GALNTL5: variants seen among roughly 807,000 people sequenced by gnomAD.
GALNTL5 encodes polypeptide N-acetylgalactosaminyltransferase like 5.
GALNTL5 carries 44 observed loss-of-function variants against 51.0 expected under a neutral mutation model. The observed-to-expected ratio is 0.86, with a 90% CI of 0.68 to 1.11. GALNTL5 has a LOEUF of 1.11. Ranked by LOEUF, GALNTL5 falls within the 50% of genes least tolerant of loss-of-function variation. The probability of loss-of-function intolerance (pLI) is 0.00; values close to 1 mark genes in which losing one functional copy is unlikely to be tolerated. For missense variants in GALNTL5, 528 were observed against 531.8 expected (o/e 0.99, Z 0.07); for synonymous variants, 192 against 182.8 (o/e 1.05, Z -0.41).
rs546393194 is a variant in GALNTL5 at position 151,993,691 on chromosome 7, C to T, written c.658+6410C>T. On this transcript the variant is annotated intron_variant, in intron 5 of 8. Coordinates refer to ENST00000392800, the MANE Select transcript of GALNTL5 (RefSeq NM_145292.4). The stretch of plus-strand genomic sequence containing the variant: ...GCTGGAGTGCAGTGGAGTATCGAAG[C>T]TCACTGCAGCCTCGAACTCCTGGGG... Among the ~76,000 whole-genome samples the T allele has an allele frequency of 1.2e-4, 19 of 152,202 alleles. No individual in the cohort carries two copies. The South Asian group carries it at 3.9e-3, about 32-fold the overall frequency.
chr7:152,019,185 G>A (rs925593190), intron 8 of GALNTL5, among the ~76,000 whole-genome samples: 1 of 152,222 alleles, frequency 6.6e-6, no homozygotes, highest in African/African-American at 2.4e-5. Context: ...CTTGCCTAGG[G>A]TCACACAGAC....
At chr7:151,979,478 G>A (rs1392208430) in intron 3 of GALNTL5, among the ~76,000 whole-genome samples, 1 of 149,992 alleles carries the variant, frequency 6.7e-6, no homozygotes, top group African/African-American at 2.5e-5. Context: ...GGGGGGAGGG[G>A]GGCAGAGTTT....
chr7:151,998,763 C>A (rs1347871225), intron 5 of GALNTL5, among the ~76,000 whole-genome samples: 2 of 122,354 alleles, frequency 1.6e-5, no homozygotes, highest in Non-Finnish European at 3.2e-5. Context: ...CAGAGCGAGA[C>A]TCTATCTAAA....
At chr7:151,983,507 C>T (rs1250309829) in intron 4 of GALNTL5, among the ~76,000 whole-genome samples, 1 of 152,094 alleles carries the variant, frequency 6.6e-6, no homozygotes, top group Non-Finnish European at 1.5e-5. Flanking sequence ...TAGTGCGCTC[C>T]CCGATGGCAC....
chr7:152,014,260 G>A (rs2081776559), intron 7 of GALNTL5, among the ~76,000 whole-genome samples: 1 of 152,148 alleles, frequency 6.6e-6, no homozygotes, highest in South Asian at 2.1e-4. Context: ...CATTATTATG[G>A]GTTTTTGTGG....
intron 5 of GALNTL5, among the ~76,000 whole-genome samples, chr7:151,993,707 A>T (rs2081456995): frequency 6.6e-6 from 1 of 151,906 alleles, no homozygotes; most frequent in South Asian, 2.1e-4. Context: ...GCAGCCTCGA[A>T]CTCCTGGGGT....
At chr7:151,989,396 G>A (rs541948117) in intron 5 of GALNTL5, among the ~76,000 whole-genome samples, 9 of 152,112 alleles carry the variant, frequency 5.9e-5, no homozygotes, top group African/African-American at 2.2e-4. Flanking sequence ...CAAATGATCC[G>A]CCCACCTCGG....
intron 5 of GALNTL5, among the ~76,000 whole-genome samples, chr7:152,000,674 G>A (rs2081564359): frequency 6.6e-6 from 1 of 152,096 alleles, no homozygotes; most frequent in African/African-American, 2.4e-5. Flanking sequence ...ATGACTAATG[G>A]TGTTGAACAT....
At chr7:151,982,489 C>G (rs2081305576) in intron 3 of GALNTL5, among the ~76,000 whole-genome samples, 1 of 152,076 alleles carries the variant, frequency 6.6e-6, no homozygotes, top group Admixed American at 6.6e-5. Flanking sequence ...TAGACCATAT[C>G]TGCTATACTT....
At chr7:152,015,601 G>A (rs1419788382) in intron 8 of GALNTL5, among the ~76,000 whole-genome samples, 2 of 151,694 alleles carry the variant, frequency 1.3e-5, no homozygotes, top group Non-Finnish European at 2.9e-5. Flanking sequence ...CTCATGATCC[G>A]CCCACCTCGG....
At chr7:151,997,021 C>G (rs6948803) in intron 5 of GALNTL5, among the ~76,000 whole-genome samples, 36,511 of 152,064 alleles carry the variant, frequency 0.24, 4,517 homozygotes, top group Middle Eastern at 0.33. Flanking sequence ...AACAAGTTAA[C>G]AAACGTTGCA....
intron 3 of GALNTL5, among the ~76,000 whole-genome samples, chr7:151,973,962 G>T (rs1196522027): frequency 6.6e-6 from 1 of 152,094 alleles, no homozygotes; most frequent in Non-Finnish European, 1.5e-5. Context: ...TTTTAAAGTG[G>T]AAGTTTCCCC....
intron 3 of GALNTL5, among the ~76,000 whole-genome samples, chr7:151,971,696 G>A (rs886408633): frequency 3.3e-5 from 5 of 152,176 alleles, no homozygotes; most frequent in African/African-American, 1.2e-4. Flanking sequence ...GTAATCCCAG[G>A]TGTCAAGGGA....
chr7:151,988,272 G>A (rs985103947), intron 5 of GALNTL5, among the ~76,000 whole-genome samples: 7 of 152,238 alleles, frequency 4.6e-5, no homozygotes, highest in African/African-American at 1.7e-4. Context: ...CAACGCTGCT[G>A]GGCGGCTGAG....
At chr7:151,962,234 C>T (rs2081000127) in intron 1 of GALNTL5, among the ~76,000 whole-genome samples, 1 of 151,880 alleles carries the variant, frequency 6.6e-6, no homozygotes, top group Admixed American at 6.6e-5. Flanking sequence ...AACTCCTGAC[C>T]TCGTGATCCA....
At chr7:151,962,870 A>G (rs1242174637) in intron 1 of GALNTL5, among the ~76,000 whole-genome samples, 2 of 152,072 alleles carry the variant, frequency 1.3e-5, no homozygotes, top group Admixed American at 1.3e-4. Context: ...CGGCCTCCCA[A>G]AGTGCTGGGA....
chr7:152,008,009 C>A, intron 7 of GALNTL5, 65 bp downstream of exon 7: 1 of 888,986 alleles, frequency 1.1e-6, no homozygotes, highest in South Asian at 1.4e-5. Context: ...ACATACAATG[C>A]TGTGGTAATT....
At chr7:151,977,136 T>G (rs1393407031) in intron 3 of GALNTL5, among the ~76,000 whole-genome samples, 1 of 152,170 alleles carries the variant, frequency 6.6e-6, no homozygotes, top group Non-Finnish European at 1.5e-5. Context: ...GACAAGTTAC[T>G]TTACAATATG....
At chr7:152,013,653 G>A (rs2081767939) in intron 7 of GALNTL5, among the ~76,000 whole-genome samples, 1 of 152,038 alleles carries the variant, frequency 6.6e-6, no homozygotes. Flanking sequence ...CACGTTCTTT[G>A]GGGTATTATT....
Sources: allele counts gnomAD v4.1 joint callset (sites outside exome capture counted in the v4.1 genomes callset), GRCh38; gene constraint gnomAD v4.1.1; transcripts MANE v1.5; gene names NCBI Gene and HGNC (gene_info 2026-07-23, HGNC 2026-07-21).